The following SPMIP2 variants were observed in gnomAD, a reference collection of about 807,000 sequenced individuals.
The protein encoded by SPMIP2 is sperm microtubule inner protein 2.
At chr4:158,933,407 T>A in the SPMIP2 span, among the ~76,000 whole-genome samples, 6 of 152,178 alleles carry the variant, frequency 3.9e-5, no homozygotes, top group African/African-American at 1.4e-4. Flanking sequence ...CCAAACTGTA[T>A]CATTGTGAAA....
At chr4:158,946,861 A>C in the SPMIP2 span, among the ~76,000 whole-genome samples, 1 of 152,202 alleles carries the variant, frequency 6.6e-6, no homozygotes, top group Non-Finnish European at 1.5e-5. Context: ...TGTCTTGTTC[A>C]CTTCTGAATC....
At chr4:158,931,980 A>G in the SPMIP2 span, among the ~76,000 whole-genome samples, 105 of 152,126 alleles carry the variant, frequency 6.9e-4, no homozygotes, top group Non-Finnish European at 1.2e-3. Flanking sequence ...GAACATATTT[A>G]TAACAGCTGA....
chr4:158,997,736 T>C, the SPMIP2 span, among the ~76,000 whole-genome samples: 1 of 152,128 alleles, frequency 6.6e-6, no homozygotes, highest in Non-Finnish European at 1.5e-5. Context: ...CACTGCAGCC[T>C]TGAACTCCTG....
chr4:159,034,135 T>A, the SPMIP2 span, among the ~76,000 whole-genome samples: 1 of 152,192 alleles, frequency 6.6e-6, no homozygotes, highest in Non-Finnish European at 1.5e-5. Context: ...AGACTCTGTC[T>A]CAAAAAATAA....
the SPMIP2 span, among the ~76,000 whole-genome samples, chr4:159,027,773 G>A: frequency 6.6e-6 from 1 of 152,204 alleles, no homozygotes; most frequent in Admixed American, 6.5e-5. Flanking sequence ...AGATGAATAA[G>A]TGGGTCTGAA....
chr4:158,917,720 CTTTTTT>C, the SPMIP2 span, among the ~76,000 whole-genome samples: 4 of 70,284 alleles, frequency 5.7e-5, no homozygotes, highest in African/African-American at 5.8e-5. Flanking sequence ...CACTATTTGA[CTTTTTT>C]TTTTTTTTTT....
the SPMIP2 span, among the ~76,000 whole-genome samples, chr4:158,896,508 G>T: frequency 3.9e-4 from 59 of 152,264 alleles, no homozygotes; most frequent in Middle Eastern, 3.4e-3. Flanking sequence ...TTGGGGAACT[G>T]CCCCCGCTTA....
chr4:158,978,829 C>T, the SPMIP2 span, among the ~76,000 whole-genome samples: 2 of 151,914 alleles, frequency 1.3e-5, no homozygotes, highest in African/African-American at 2.4e-5. Context: ...ATGAGATGGG[C>T]CTCTTGAATA....
the SPMIP2 span, among the ~76,000 whole-genome samples, chr4:159,037,633 C>T: frequency 6.6e-6 from 1 of 151,766 alleles, no homozygotes; most frequent in African/African-American, 2.4e-5. Flanking sequence ...TAGCTGGGCA[C>T]AGTGGTCTGT....
chr4:158,987,179 T>G, the SPMIP2 span, among the ~76,000 whole-genome samples: 1 of 144,980 alleles, frequency 6.9e-6, no homozygotes, highest in Non-Finnish European at 1.5e-5. Flanking sequence ...TTTACACTGT[T>G]GGTGGGACTG....
chr4:159,026,461 A>G, the SPMIP2 span: 1 of 840,464 alleles, frequency 1.2e-6, no homozygotes, highest in African/African-American at 1.7e-5. Context: ...GAAAGATGGG[A>G]AATTCATGGT....
chr4:159,058,494 T>G, the SPMIP2 span, among the ~76,000 whole-genome samples: 1 of 152,230 alleles, frequency 6.6e-6, no homozygotes, highest in South Asian at 2.1e-4. Context: ...TAAAAATGTA[T>G]GTCATTTTTA....
chr4:159,081,563 C>T, the SPMIP2 span, among the ~76,000 whole-genome samples: 1 of 151,878 alleles, frequency 6.6e-6, no homozygotes, highest in Non-Finnish European at 1.5e-5. Flanking sequence ...TGGTGGCGCA[C>T]TCCTGCAGTC....
the SPMIP2 span, among the ~76,000 whole-genome samples, chr4:159,081,038 CTTTT>C: frequency 2.5e-5 from 3 of 118,406 alleles, no homozygotes; most frequent in Non-Finnish European, 1.8e-5. Flanking sequence ...GTTTCTTTCT[CTTTT>C]TTTTTTTTTT....
chr4:158,995,643 G>A, the SPMIP2 span, among the ~76,000 whole-genome samples: 100,732 of 151,836 alleles, frequency 0.66, 33,525 homozygotes, highest in Middle Eastern at 0.73. Context: ...TGGATCACAA[G>A]GTCAACAGAT....
At chr4:158,972,275 T>C in the SPMIP2 span, among the ~76,000 whole-genome samples, 10 of 152,288 alleles carry the variant, frequency 6.6e-5, no homozygotes, top group Non-Finnish European at 1.3e-4. Flanking sequence ...GGCAGGAGAA[T>C]CGCTTGAACC....
the SPMIP2 span, among the ~76,000 whole-genome samples, chr4:159,063,335 G>A: frequency 2.0e-5 from 3 of 152,144 alleles, no homozygotes; most frequent in Non-Finnish European, 4.4e-5. Flanking sequence ...GAGACAGGAG[G>A]ATCACTTGAG....
the SPMIP2 span, among the ~76,000 whole-genome samples, chr4:159,028,598 T>G: frequency 6.6e-6 from 1 of 152,198 alleles, no homozygotes; most frequent in Non-Finnish European, 1.5e-5. Flanking sequence ...TCCAAAATGC[T>G]AGGATTATAG....
chr4:158,935,331 T>C, the SPMIP2 span, among the ~76,000 whole-genome samples: 59 of 152,324 alleles, frequency 3.9e-4, no homozygotes, highest in African/African-American at 1.4e-3. Context: ...CTACAAAGCA[T>C]GCCTCAGTGT....
Sources: allele counts gnomAD v4.1 joint callset (sites outside exome capture counted in the v4.1 genomes callset), GRCh38; gene constraint gnomAD v4.1.1; transcripts MANE v1.5; gene names NCBI Gene and HGNC (gene_info 2026-07-23, HGNC 2026-07-21).